Variants in CD72 observed in about 807,000 individuals in gnomAD.
CD72 encodes CD72 molecule.
CD72 carries 28 observed loss-of-function variants against 50.7 expected under a neutral mutation model. The observed-to-expected ratio is 0.55, with a 90% CI of 0.41 to 0.76. The LOEUF is 0.76. Ranked by LOEUF, CD72 falls within the 30% of genes least tolerant of loss-of-function variation. The pLI, the probability that CD72 is intolerant of heterozygous loss-of-function variation, is 0.00. For missense variants in CD72, 403 were observed against 420.6 expected (o/e 0.96, Z 0.37); for synonymous variants, 176 against 171.2 (o/e 1.03, Z -0.22).
At chr9:35,629,858 A>G in intron 1 of CD72, among the ~76,000 whole-genome samples, 1 of 152,230 alleles carries the variant, frequency 6.6e-6, no homozygotes, top group African/African-American at 2.4e-5. Context: ...CTAGATGTTC[A>G]GTTCCACTGA....
chr9:35,610,561 CCCTGGACTCCCCATG>C, intron 8 of CD72, 26 bp downstream of exon 8: 1 of 1,510,368 alleles, frequency 6.6e-7, no homozygotes, highest in Non-Finnish European at 9.0e-7. Context: ...GTCCCTCTGC[CCCTGGACTCCCCATG>C]CCTCAGCCCC....
At chr9:35,628,998 C>A (rs559088889) in intron 1 of CD72, among the ~76,000 whole-genome samples, 9 of 152,224 alleles carry the variant, frequency 5.9e-5, no homozygotes, top group African/African-American at 1.9e-4. Context: ...GTTCAGCCTC[C>A]CAAGTAGCTG....
rs770170309 is a variant in CD72, at chr9:35,611,929, G to A, written c.835-10C>T. 7.7e-6 allele frequency: 10 copies of A among 1,304,704 alleles called. No individual in the cohort carries two copies. In the East Asian group the frequency reaches 2.3e-4, roughly 30 times the overall value. 80.8% of individuals were successfully genotyped at this position (1,304,704 alleles called of 1,614,324 possible). On this transcript the variant is annotated splice_polypyrimidine_tract_variant and intron_variant, in intron 6 of 8. Transcript: ENST00000259633. ...AGAAGTAGTAAGAGTGCTGAGGGGA[G>A]ATTCAGAGAGACCAGAGATACATGG...
At chr9:35,638,891 T>C (rs1348511303) in intron 1 of CD72, among the ~76,000 whole-genome samples, 1 of 152,178 alleles carries the variant, frequency 6.6e-6, no homozygotes, top group Non-Finnish European at 1.5e-5. Context: ...CACACAAAGC[T>C]GTTAATTCTG....
upstream of CD72, among the ~76,000 whole-genome samples, chr9:35,622,082 T>C (rs1273847825): frequency 4.6e-5 from 7 of 152,248 alleles, no homozygotes; most frequent in Admixed American, 4.6e-4. Flanking sequence ...GAGACCAGCC[T>C]TGCCACAGTA....
chr9:35,615,239 C>A (rs1018160192), intron 5 of CD72, among the ~76,000 whole-genome samples: 3 of 152,106 alleles, frequency 2.0e-5, no homozygotes, highest in African/African-American at 7.2e-5. Flanking sequence ...GGGAGATCAC[C>A]CAGATGACCC....
Position 35,610,618 on chromosome 9 carries a change from A to G in CD72, c.*6T>C. 6.2e-7 allele frequency: 1 copy of G among 1,613,448 alleles called. No homozygotes were observed. The highest frequency in any genetic ancestry group is 1.3e-5 in the African/African-American group (1 of 75,024). On this transcript the variant is annotated 3_prime_UTR_variant, in exon 8 of 9. Coordinates refer to ENST00000259633, the MANE Select transcript of CD72 (RefSeq NM_001782.3). ...CACTCTTACCAACTCAGTGCAAAGG[A>G]CTGTCCTAATCTGGAAACCTGAAAG... is the stretch of plus-strand genomic sequence containing the variant.
chr9:35,621,643 G>A (rs941457856), upstream of CD72, among the ~76,000 whole-genome samples: 1 of 152,198 alleles, frequency 6.6e-6, no homozygotes, highest in Non-Finnish European at 1.5e-5. Context: ...AGATTATCCT[G>A]TTTTATCTTG....
chr9:35,634,807 A>G (rs938290647), intron 1 of CD72, among the ~76,000 whole-genome samples: 14 of 152,254 alleles, frequency 9.2e-5, no homozygotes, highest in African/African-American at 2.9e-4. Flanking sequence ...TCCTTATTAG[A>G]ATTTCCCTTA....
intron 1 of CD72, among the ~76,000 whole-genome samples, chr9:35,633,806 G>A (rs577558190): frequency 6.6e-6 from 1 of 152,136 alleles, no homozygotes; most frequent in African/African-American, 2.4e-5. Flanking sequence ...AATGTTAGTC[G>A]AAAATGCATT....
chr9:35,617,230 G>GC lies in CD72; in HGVS notation c.207dup (p.Pro70AlafsTer67). 1 of 1,562,690 alleles carries GC rather than the reference G, an allele frequency of 6.4e-7. No individual in the cohort carries two copies. On this transcript the variant is annotated frameshift_variant, in exon 3 of 9. Transcript: ENST00000259633. LOFTEE classifies it high-confidence loss of function. ...GTCACGGCTCTCCAGGACGCAGTTGGCTGCTCCGACTTGACCGCTGTCGAG... is the reference window on the plus strand; with the variant it reads ...GTCACGGCTCTCCAGGACGCAGTTGGCCTGCTCCGACTTGACCGCTGTCGAG...
Position 35,610,077 on chromosome 9 carries a change from TG to T in CD72, c.*245del. 1 of 275,744 alleles carries T rather than the reference TG, an allele frequency of 3.6e-6. No homozygotes were observed. The highest frequency in any genetic ancestry group is 8.8e-5 in the South Asian group (1 of 11,426). The allele number at this position is 275,744 out of a possible 1,614,324, so 17.1% of individuals were successfully genotyped here. A position where few individuals can be genotyped will look rare whatever the true frequency, so the allele number is the denominator to read the frequency against. On this transcript the variant is annotated 3_prime_UTR_variant, in exon 9 of 9. Transcript: ENST00000259633. ...CCTCCTCCCCCACCCCATTCTACCATGGGAAGTTCTTGGGGGGAGGCCAAAG... is the reference window on the plus strand; with the variant it reads ...CCTCCTCCCCCACCCCATTCTACCATGGAAGTTCTTGGGGGGAGGCCAAAG...
upstream of CD72, among the ~76,000 whole-genome samples, chr9:35,624,326 T>C (rs1028782402): frequency 6.6e-6 from 1 of 151,678 alleles, no homozygotes; most frequent in Non-Finnish European, 1.5e-5. Flanking sequence ...GGCCAGTCCA[T>C]GGACAAGCCA....
At chr9:35,616,997 TGCACGTCGGATTCAGGC>T in intron 3 of CD72, 162 bp downstream of exon 3, 1 of 1,447,938 alleles carries the variant, frequency 6.9e-7, no homozygotes. Context: ...AGGGGGGCGG[TGCACGTCGGATTCAGGC>T]GCACCGGATG....
At chr9:35,621,295 G>A (rs1413300096), upstream of CD72, among the ~76,000 whole-genome samples, 1 of 152,132 alleles carries the variant, frequency 6.6e-6, no homozygotes, top group Admixed American at 6.5e-5. Context: ...ACAGGGAATG[G>A]GTGTTTACGG....
chr9:35,638,450 T>G (rs1823311119), intron 1 of CD72, among the ~76,000 whole-genome samples: 1 of 152,164 alleles, frequency 6.6e-6, no homozygotes, highest in Admixed American at 6.5e-5. Context: ...AGTTTTGTTC[T>G]GCGACTAGCT....
chr9:35,610,552 T>G, intron 8 of CD72, 50 bp downstream of exon 8: 1 of 1,136,568 alleles, frequency 8.8e-7, no homozygotes, highest in Non-Finnish European at 1.2e-6. Context: ...CTGCTCTGAG[T>G]CCCTCTGCCC....
Position 35,610,091 on chromosome 9 carries a change from G to T in CD72, c.*232C>A, listed in dbSNP as rs373018804. 38 of 262,986 alleles carry T rather than the reference G, an allele frequency of 1.4e-4. 1 individual carries two copies. In the South Asian group the frequency reaches 3.4e-3, roughly 23 times the overall value. The allele number at this position is 262,986 out of a possible 1,614,324, so 16.3% of individuals were successfully genotyped here. ...CCATTCTACCATGGGAAGTTCTTGGGGGGAGGCCAAAGTCCCTTCTAGAGG... is the reference window on the plus strand; with the variant it reads ...CCATTCTACCATGGGAAGTTCTTGGTGGGAGGCCAAAGTCCCTTCTAGAGG... On this transcript the variant is annotated 3_prime_UTR_variant, in exon 9 of 9. Transcript: ENST00000259633.
At chr9:35,644,699 C>A (rs1163741245) in intron 1 of CD72, among the ~76,000 whole-genome samples, 3 of 152,056 alleles carry the variant, frequency 2.0e-5, no homozygotes, top group Non-Finnish European at 4.4e-5. Flanking sequence ...TTAACTCACA[C>A]GTTAAGTAGA....
Sources: allele counts gnomAD v4.1 joint callset (sites outside exome capture counted in the v4.1 genomes callset), GRCh38; gene constraint gnomAD v4.1.1; transcripts MANE v1.5; gene names NCBI Gene and HGNC (gene_info 2026-07-23, HGNC 2026-07-21).